Variants in VGLL4 observed in about 807,000 individuals in gnomAD.
The protein encoded by VGLL4 is vestigial like family member 4, also known as transcription cofactor vestigial-like protein 4.
A neutral mutation model predicts 21.0 loss-of-function variants in VGLL4; 7 were observed. The observed-to-expected ratio is 0.33, with a 90% CI of 0.19 to 0.63. The LOEUF is 0.63. Among genes scored for constraint, VGLL4 ranks in the 20% least tolerant of loss-of-function variants. VGLL4 has a pLI of 0.78. For synonymous variants in VGLL4, 222 were observed against 173.2 expected (o/e 1.28, Z -2.21); for missense variants, 394 against 425.7 (o/e 0.93, Z 0.66).
intron 2 of VGLL4, among the ~76,000 whole-genome samples, chr3:11,583,831 C>G (rs1284106653): frequency 6.6e-6 from 1 of 152,216 alleles, no homozygotes; most frequent in African/African-American, 2.4e-5. Flanking sequence ...GCTGACTCCC[C>G]CAAGCATACT....
intron 2 of VGLL4, among the ~76,000 whole-genome samples, chr3:11,686,343 A>G (rs1559944389): frequency 6.6e-6 from 1 of 152,228 alleles, no homozygotes; most frequent in African/African-American, 2.4e-5. Context: ...AATGAAGGAA[A>G]TCCTGATACA....
chr3:11,586,776 C>T (rs903985107), intron 2 of VGLL4, among the ~76,000 whole-genome samples: 46 of 152,332 alleles, frequency 3.0e-4, no homozygotes, highest in African/African-American at 8.2e-4. Context: ...ATATGACAAT[C>T]GCTTTGTCGG....
chr3:11,616,021 C>T (rs2075155786), intron 1 of VGLL4, among the ~76,000 whole-genome samples: 1 of 152,188 alleles, frequency 6.6e-6, no homozygotes, highest in Non-Finnish European at 1.5e-5. Context: ...ACCCTGCCTC[C>T]CACCACGAGA....
intron 1 of VGLL4, among the ~76,000 whole-genome samples, chr3:11,641,483 A>G (rs2125330009): frequency 6.6e-6 from 1 of 152,326 alleles, no homozygotes; most frequent in African/African-American, 2.4e-5. Context: ...TGTGTGATTT[A>G]TGCCCATCTT....
intron 3 of VGLL4, among the ~76,000 whole-genome samples, chr3:11,561,891 CTTTTTTTTTTTTTTT>C (rs35380668): frequency 1.1e-5 from 1 of 88,590 alleles, no homozygotes; most frequent in African/African-American, 4.7e-5. Context: ...CTGCGCCAAA[CTTTTTTTTTTTTTTT>C]TTTTTTTTTT....
At chr3:11,665,758 C>A (rs187612609) in intron 2 of VGLL4, among the ~76,000 whole-genome samples, 18 of 152,354 alleles carry the variant, frequency 1.2e-4, no homozygotes, top group African/African-American at 4.1e-4. Context: ...GGAGATTCCA[C>A]AGTCAACAAA....
intron 2 of VGLL4, among the ~76,000 whole-genome samples, chr3:11,682,336 T>G (rs760016850): frequency 7.8e-6 from 1 of 128,752 alleles, no homozygotes; most frequent in Admixed American, 9.9e-5. Flanking sequence ...ACCCGGGAGG[T>G]GGAGGTTGCA....
rs188748911 is a variant in VGLL4 at position 11,700,341 on chromosome 3, G to T, written c.64+2630C>A. ...TTTTGTTTTATTATTCCTAACTAAAGTTGGGCATTGTAAAAGAGAGAAATT... is the reference window on the plus strand; with the variant it reads ...TTTTGTTTTATTATTCCTAACTAAATTTGGGCATTGTAAAAGAGAGAAATT... On this transcript the variant is annotated intron_variant, in intron 2 of 5. Coordinates refer to the VGLL4 transcript ENST00000273038. Among the ~76,000 whole-genome samples the T allele has an allele frequency of 9.9e-5, 15 of 152,234 alleles. No individual in the cohort carries two copies. In the East Asian group the frequency reaches 2.9e-3, roughly 29 times the overall value.
chr3:11,679,638 G>A (rs1171908023), intron 2 of VGLL4, among the ~76,000 whole-genome samples: 3 of 152,050 alleles, frequency 2.0e-5, no homozygotes, highest in Non-Finnish European at 4.4e-5. Flanking sequence ...AGCCGAGATT[G>A]CACCACTGTA....
chr3:11,577,232 T>C (rs1454309217), intron 2 of VGLL4, among the ~76,000 whole-genome samples: 1 of 152,216 alleles, frequency 6.6e-6, no homozygotes, highest in African/African-American at 2.4e-5. Context: ...TCTTTCAAAA[T>C]TTCAAATTCT....
At chr3:11,591,701 T>C (rs1161349866) in intron 2 of VGLL4, among the ~76,000 whole-genome samples, 1 of 152,154 alleles carries the variant, frequency 6.6e-6, no homozygotes, top group Non-Finnish European at 1.5e-5. Context: ...CACACTCCAT[T>C]AGCAAAACAC....
intron 2 of VGLL4, among the ~76,000 whole-genome samples, chr3:11,574,724 CAT>C (rs1274239582): frequency 6.6e-6 from 1 of 151,834 alleles, no homozygotes; most frequent in South Asian, 2.1e-4. Context: ...CTACATGACA[CAT>C]GTCGAAACTT....
At chr3:11,715,091 C>T (rs1298927516) in intron 1 of VGLL4, among the ~76,000 whole-genome samples, 3 of 150,252 alleles carry the variant, frequency 2.0e-5, no homozygotes, top group East Asian at 4.0e-4. Context: ...GCCGAGATCG[C>T]GCCGCTGCAC....
At chr3:11,708,455 G>C (rs924602670) in intron 1 of VGLL4, among the ~76,000 whole-genome samples, 7 of 152,196 alleles carry the variant, frequency 4.6e-5, no homozygotes, top group Non-Finnish European at 5.9e-5. Context: ...CAGGTGATGT[G>C]GGGGGCGGCC....
intron 1 of VGLL4, among the ~76,000 whole-genome samples, chr3:11,623,885 TGCCCTCCACCAC>T (rs1402396812): frequency 6.6e-6 from 1 of 151,468 alleles, no homozygotes; most frequent in East Asian, 1.9e-4. Context: ...GGACTACAAG[TGCCCTCCACCAC>T]GCTTGGTTAA....
At chr3:11,686,345 C>A (rs983411240) in intron 2 of VGLL4, among the ~76,000 whole-genome samples, 4 of 152,156 alleles carry the variant, frequency 2.6e-5, no homozygotes, top group Admixed American at 2.6e-4. Flanking sequence ...TGAAGGAAAT[C>A]CTGATACATG....
At chr3:11,564,662 A>ATCCCTCACCACCTCCC (rs60236070) in intron 3 of VGLL4, 135 bp downstream of exon 3, 61,471 of 934,792 alleles carry the variant, frequency 0.066, 3,716 homozygotes, top group South Asian at 0.13. Flanking sequence ...GAAGGGTGGC[A>ATCCCTCACCACCTCCC]TCCCTCACCA....
chr3:11,703,612 A>G (rs77775462), intron 1 of VGLL4, among the ~76,000 whole-genome samples: 4,686 of 152,330 alleles, frequency 0.031, 243 homozygotes, highest in East Asian at 0.18. Context: ...ATGTTTTTTA[A>G]TAAGACTGGA....
Position 11,586,759 on chromosome 3 carries a change from C to T in VGLL4, c.272+15074G>A, listed in dbSNP as rs183838404. ...CCAATCTCCCAAGGATATCCAGGGA[C>T]GGCTGTATATGACAATCGCTTTGTC... On this transcript the variant is annotated intron_variant, in intron 2 of 4. Transcript: ENST00000430365. Among the ~76,000 whole-genome samples the T allele has an allele frequency of 1.9e-3, 289 of 152,314 alleles. 1 individual carries two copies. Among genetic ancestry groups the T allele is most frequent in the South Asian group, 4.4e-3 (21 of 4,822 alleles).
Sources: gnomAD v4.1 joint callset for allele counts (sites outside exome capture counted in the v4.1 genomes callset) on GRCh38, gnomAD v4.1.1 for gene constraint, MANE v1.5 for transcripts, NCBI Gene and HGNC (gene_info 2026-07-23, HGNC 2026-07-21) for gene names.